Variants in ARHGAP31 observed in about 807,000 individuals in gnomAD.
The protein encoded by ARHGAP31 is rho GTPase-activating protein 31.
In ARHGAP31, 34 loss-of-function variants were observed where a neutral mutation model predicts 113.9. The observed-to-expected ratio is 0.30, with a 90% CI of 0.23 to 0.40. The LOEUF is 0.40. Ranked by LOEUF, ARHGAP31 falls within the 10% of genes least tolerant of loss-of-function variation. The probability of loss-of-function intolerance (pLI) is 1.00; values close to 1 mark genes in which losing one functional copy is unlikely to be tolerated. For missense variants in ARHGAP31, 1,548 were observed against 1,767.1 expected (o/e 0.88, Z 2.22); for synonymous variants, 650 against 684.8 (o/e 0.95, Z 0.79).
rs1463686063 is a variant in ARHGAP31, at chr3:119,318,646, ATACT to A, written c.100+23652_100+23655del. On this transcript the variant is annotated intron_variant, in intron 1 of 11. Transcript: ENST00000264245. The stretch of plus-strand genomic sequence containing the variant: ...GCTAGGGTAGAAATTCACAACTAAT[ATACT>A]TACTTACTTTACCTAGACTTTCTCT... Among the ~76,000 whole-genome samples the A allele has an allele frequency of 1.7e-4, 26 of 152,224 alleles. 1 individual carries two copies. Among genetic ancestry groups the A allele is most frequent in the Admixed American group, 1.4e-3 (22 of 15,280 alleles).
rs572471825 is a variant in ARHGAP31, at chr3:119,382,571, T to C, written c.539+172T>C. Among the ~76,000 whole-genome samples, 14 of 152,356 alleles carry C rather than the reference T, an allele frequency of 9.2e-5. No individual in the cohort carries two copies. In the East Asian group the frequency reaches 2.7e-3, roughly 29 times the overall value. ...TGATTTAGGTGATAATAGCCTAAGCTCTCTGCCTGCTAACTTGGAAACTCT... is the reference window on the plus strand; with the variant it reads ...TGATTTAGGTGATAATAGCCTAAGCCCTCTGCCTGCTAACTTGGAAACTCT... On this transcript the variant is annotated intron_variant, in intron 5 of 11. Coordinates refer to ENST00000264245, the MANE Select transcript of ARHGAP31 (RefSeq NM_020754.4).
At chr3:119,323,266 G>T (rs921447968) in intron 1 of ARHGAP31, among the ~76,000 whole-genome samples, 42 of 152,214 alleles carry the variant, frequency 2.8e-4, no homozygotes, top group Middle Eastern at 3.4e-3. Flanking sequence ...CCAGAAGCGG[G>T]GAAAGCCCAG....
Position 119,412,087 on chromosome 3 carries a change from G to A in ARHGAP31, c.1927-1769G>A, listed in dbSNP as rs548760663. ...TCGCCCTGGGACAGAATTAGGCCTT[G>A]AGGCAAGAAATGAAAGAAATTGGGC... is the stretch of plus-strand genomic sequence containing the variant. On this transcript the variant is annotated intron_variant, in intron 11 of 11. Coordinates refer to ENST00000264245, the MANE Select transcript of ARHGAP31 (RefSeq NM_020754.4). Among the ~76,000 whole-genome samples the A allele has an allele frequency of 2.6e-5, 4 of 152,328 alleles. No homozygotes were observed. The East Asian group carries it at 7.7e-4, about 29-fold the overall frequency.
In ARHGAP31 at chr3:119,294,825, C is replaced by T; in HGVS notation, c.-80C>T. The T allele has an allele frequency of 7.4e-7, 1 of 1,345,500 alleles. No individual in the cohort carries two copies. Among genetic ancestry groups the T allele is most frequent in the South Asian group, 1.2e-5 (1 of 85,494 alleles). 83.3% of individuals were successfully genotyped at this position (1,345,500 alleles called of 1,614,324 possible). A position where few individuals can be genotyped will look rare whatever the true frequency, so the allele number is the denominator to read the frequency against. ...CCAGAGCCGCGGGGCAGCCGGTGAT[C>T]TAGCCCGGGAGCCCATCTTACAGCG... On this transcript the variant is annotated 5_prime_UTR_variant, in exon 1 of 12. Coordinates refer to ENST00000264245, the MANE Select transcript of ARHGAP31 (RefSeq NM_020754.4).
chr3:119,391,589 A>AC (rs368549202), intron 7 of ARHGAP31, among the ~76,000 whole-genome samples: 1,955 of 103,720 alleles, frequency 0.019, 24 homozygotes, highest in Non-Finnish European at 0.027. Context: ...CTGGGTCTCT[A>AC]CCCCCCCCTC....
chr3:119,359,603 C>T (rs954742573), intron 1 of ARHGAP31, among the ~76,000 whole-genome samples: 4 of 151,874 alleles, frequency 2.6e-5, no homozygotes, highest in Middle Eastern at 3.2e-3. Flanking sequence ...TTGGGGTGGG[C>T]AGTGACCTCC....
intron 1 of ARHGAP31, among the ~76,000 whole-genome samples, chr3:119,306,064 G>A (rs1370450844): frequency 6.6e-6 from 1 of 152,290 alleles, no homozygotes; most frequent in South Asian, 2.1e-4. Context: ...TTCAGAGTCC[G>A]AGAATTCTGG....
At chr3:119,375,203 C>T (rs1050258114) in intron 3 of ARHGAP31, among the ~76,000 whole-genome samples, 1 of 152,146 alleles carries the variant, frequency 6.6e-6, no homozygotes, top group Non-Finnish European at 1.5e-5. Context: ...AACCTATTGC[C>T]TCACAGGTCT....
intron 10 of ARHGAP31, 103 bp from the exon 11 acceptor site, chr3:119,409,393 A>G (rs1476100343): frequency 2.9e-6 from 4 of 1,381,744 alleles, no homozygotes; most frequent in Non-Finnish European, 4.1e-6. Flanking sequence ...AATTCCCTCC[A>G]TCCTTCTGAA....
At position 119,402,404 on chromosome 3, in the gene ARHGAP31, A is replaced by G. The variant is rs2107641115; in HGVS notation, c.1645+7A>G. 1.2e-6 allele frequency: 2 copies of G among 1,611,452 alleles called. No homozygotes were observed. Among genetic ancestry groups the G allele is most frequent in the South Asian group, 2.2e-5 (2 of 91,014 alleles). The stretch of plus-strand genomic sequence containing the variant: ...GGAGCTGAGACTTCTGCAGGTAAGT[A>G]GAGGAGAGAGGGTATCTTTCCGTTG... On this transcript the variant is annotated splice_region_variant and intron_variant, in intron 10 of 11. Transcript: ENST00000264245.
intron 7 of ARHGAP31, among the ~76,000 whole-genome samples, chr3:119,392,941 C>G (rs2080518027): frequency 6.6e-6 from 1 of 152,150 alleles, no homozygotes; most frequent in Non-Finnish European, 1.5e-5. Context: ...TTAGTGTTTA[C>G]TCCTGTATAA....
At chr3:119,371,634 A>G (rs1390531289) in intron 3 of ARHGAP31, among the ~76,000 whole-genome samples, 1 of 152,218 alleles carries the variant, frequency 6.6e-6, no homozygotes, top group Non-Finnish European at 1.5e-5. Context: ...TTGCACAGCT[A>G]AAGTAGAATA....
At chr3:119,303,782 GTTT>G in intron 1 of ARHGAP31, among the ~76,000 whole-genome samples, 1 of 150,692 alleles carries the variant, frequency 6.6e-6, no homozygotes, top group African/African-American at 2.4e-5. Context: ...CTCTTTTCAT[GTTT>G]TTTGTTGTTG....
Position 119,294,610 on chromosome 3 carries a change from A to G in ARHGAP31, c.-295A>G, listed in dbSNP as rs549187231. On this transcript the variant is annotated 5_prime_UTR_variant, in exon 1 of 12. Transcript: ENST00000264245. ...CCGAAGACACCGCAGGAGCCTGTGAAAGTCCCTAGGACTCCAAGTGAGGAA... is the reference window on the plus strand; with the variant it reads ...CCGAAGACACCGCAGGAGCCTGTGAGAGTCCCTAGGACTCCAAGTGAGGAA... The G allele has an allele frequency of 8.9e-4, 475 of 536,578 alleles. 3 individuals carry two copies. The highest frequency in any genetic ancestry group is 3.3e-3 in the Admixed American group (86 of 26,386). 33.2% of individuals were successfully genotyped at this position (536,578 alleles called of 1,614,324 possible).
At chr3:119,329,837 A>G (rs2079875932) in intron 1 of ARHGAP31, 6 of 985,454 alleles carry the variant, frequency 6.1e-6, no homozygotes, top group Non-Finnish European at 7.2e-6. Flanking sequence ...GTCTGTCCGC[A>G]CTGTCCCCAC....
intron 3 of ARHGAP31, among the ~76,000 whole-genome samples, chr3:119,374,522 G>A (rs1237303022): frequency 3.3e-5 from 5 of 152,110 alleles, no homozygotes; most frequent in Non-Finnish European, 5.9e-5. Flanking sequence ...ACCTCATCTC[G>A]AATTGTAATC....
At chr3:119,319,389 CTT>C (rs1294840773) in intron 1 of ARHGAP31, among the ~76,000 whole-genome samples, 1 of 152,034 alleles carries the variant, frequency 6.6e-6, no homozygotes, top group Non-Finnish European at 1.5e-5. Flanking sequence ...GCTGTAATAA[CTT>C]TTAAAAAGAT....
intron 1 of ARHGAP31, among the ~76,000 whole-genome samples, chr3:119,311,789 A>G (rs1183416263): frequency 6.6e-6 from 1 of 152,210 alleles, no homozygotes. Flanking sequence ...TCACAATCCC[A>G]TATGATGGAC....
rs944000244 is a variant in ARHGAP31, at chr3:119,419,455, G to A, written c.*3191G>A. ...CCAAGTCAAAAGTCTAGACTCTGAG[G>A]ACATTAAAAATGTAAATATCATCAT... On this transcript the variant is annotated 3_prime_UTR_variant, in exon 12 of 12. Transcript: ENST00000264245. 6.6e-6 allele frequency: 1 copy of A among 152,084 alleles called. No homozygotes were observed. Among genetic ancestry groups the A allele is most frequent in the Non-Finnish European group, 1.5e-5 (1 of 68,022 alleles). The allele number at this position is 152,084 out of a possible 1,614,324, so 9.4% of individuals were successfully genotyped here.
Sources: allele counts gnomAD v4.1 joint callset (sites outside exome capture counted in the v4.1 genomes callset), GRCh38; gene constraint gnomAD v4.1.1; transcripts MANE v1.5; gene names NCBI Gene and HGNC (gene_info 2026-07-23, HGNC 2026-07-21).